The following SEMA6D variants were observed in gnomAD, a reference collection of about 807,000 sequenced individuals.
SEMA6D encodes semaphorin 6D, also known as semaphorin-6D.
In SEMA6D, 35 loss-of-function variants were observed where a neutral mutation model predicts 106.6. The ratio of observed to expected loss-of-function variants is 0.33; its 90% CI spans 0.25 to 0.44. SEMA6D has a LOEUF of 0.44. Among genes scored for constraint, SEMA6D ranks in the 20% least tolerant of loss-of-function variants. The probability of loss-of-function intolerance (pLI) is 1.00; values close to 1 mark genes in which losing one functional copy is unlikely to be tolerated. For synonymous variants in SEMA6D, 499 were observed against 487.7 expected (o/e 1.02, Z -0.31); for missense variants, 1,185 against 1,345.9 (o/e 0.88, Z 1.87).
At chr15:47,266,504 T>G (rs2034324799) in intron 1 of SEMA6D, among the ~76,000 whole-genome samples, 1 of 152,032 alleles carries the variant, frequency 6.6e-6, no homozygotes, top group South Asian at 2.1e-4. Flanking sequence ...TTGGTTTGCC[T>G]TTTCCAACAT....
At chr15:47,753,271 G>T (rs2081544035) in intron 1 of SEMA6D, among the ~76,000 whole-genome samples, 1 of 152,178 alleles carries the variant, frequency 6.6e-6, no homozygotes, top group Non-Finnish European at 1.5e-5. Flanking sequence ...GCTATTTGTA[G>T]TTGATGACAA....
At chr15:47,193,141 C>T (rs1018646765) in intron 1 of SEMA6D, among the ~76,000 whole-genome samples, 7 of 152,114 alleles carry the variant, frequency 4.6e-5, no homozygotes, top group Admixed American at 4.6e-4. Context: ...GATGGGCTGC[C>T]TGAGTACAAG....
At chr15:47,541,386 TA>T (rs1394532073) in intron 3 of SEMA6D, among the ~76,000 whole-genome samples, 1 of 152,166 alleles carries the variant, frequency 6.6e-6, no homozygotes, top group Non-Finnish European at 1.5e-5. Context: ...AAAGAATCCC[TA>T]TAGTAAATAA....
chr15:47,633,928 T>A (rs900159523), intron 4 of SEMA6D, among the ~76,000 whole-genome samples: 1 of 152,164 alleles, frequency 6.6e-6, no homozygotes, highest in Non-Finnish European at 1.5e-5. Flanking sequence ...ATCCAGGAAG[T>A]TTTTCTTTTG....
At chr15:47,579,075 G>A (rs1355127411) in intron 3 of SEMA6D, among the ~76,000 whole-genome samples, 1 of 152,024 alleles carries the variant, frequency 6.6e-6, no homozygotes, top group African/African-American at 2.4e-5. Context: ...GAAGCCCCTG[G>A]GTACTTGGGC....
At position 47,771,411 on chromosome 15, in the gene SEMA6D, A is replaced by T; in HGVS notation, c.2848A>T (p.Thr950Ser). 1 of 1,613,762 alleles carries T rather than the reference A, an allele frequency of 6.2e-7. No homozygotes were observed. The highest frequency in any genetic ancestry group is 8.5e-7 in the Non-Finnish European group (1 of 1,179,938). ...SPTKRVDVPTTPGVPMTSLER... is the reference protein window; with the variant it reads ...SPTKRVDVPTSPGVPMTSLER... ...AACCAAGCGAGTGGATGTCCCCACC[A>T]CTCCTGGAGTCCCAATGACTTCTCT... Residue 950 changes from threonine (T) to serine (S), a missense_variant, in exon 19 of 19, where the codon ACT becomes TCT. Thr to Ser is a moderately conservative substitution (Grantham distance 58, BLOSUM62 1). This residue lies in a region of SEMA6D where 750 missense variants were observed against 783.5 expected (regional missense o/e 0.96). Coordinates refer to ENST00000536845, the MANE Select transcript of SEMA6D (RefSeq NM_001358351.3).
chr15:47,309,531 C>T (rs2143015744), intron 1 of SEMA6D, among the ~76,000 whole-genome samples: 1 of 152,204 alleles, frequency 6.6e-6, no homozygotes, highest in East Asian at 1.9e-4. Flanking sequence ...AAAGTGCTTC[C>T]TTTATGGGAA....
intron 1 of SEMA6D, among the ~76,000 whole-genome samples, chr15:47,214,728 T>C (rs929390141): frequency 6.6e-6 from 1 of 152,212 alleles, no homozygotes; most frequent in African/African-American, 2.4e-5. Flanking sequence ...GAAATTGTGA[T>C]CACTTCTAAT....
intron 3 of SEMA6D, chr15:47,581,461 A>G: frequency 2.2e-6 from 1 of 449,596 alleles, no homozygotes; most frequent in South Asian, 1.7e-5. Context: ...TGGAGTGGGA[A>G]GGCACTCCTT....
intron 4 of SEMA6D, among the ~76,000 whole-genome samples, chr15:47,706,897 C>T (rs1489295692): frequency 6.6e-6 from 1 of 152,222 alleles, no homozygotes; most frequent in Non-Finnish European, 1.5e-5. Flanking sequence ...CTCAAAGCAC[C>T]CTGACCATTA....
At chr15:47,681,894 T>C (rs2078361245) in intron 4 of SEMA6D, among the ~76,000 whole-genome samples, 2 of 152,224 alleles carry the variant, frequency 1.3e-5, no homozygotes, top group African/African-American at 4.8e-5. Context: ...TGGCAAAATT[T>C]CTCAAGTGTA....
chr15:47,597,090 A>T (rs2076551581), intron 3 of SEMA6D, among the ~76,000 whole-genome samples: 1 of 152,058 alleles, frequency 6.6e-6, no homozygotes, highest in Non-Finnish European at 1.5e-5. Context: ...CAGAAAAATA[A>T]ATAACTCAAT....
chr15:47,419,438 C>G (rs1456398572), intron 2 of SEMA6D, among the ~76,000 whole-genome samples: 1 of 152,034 alleles, frequency 6.6e-6, no homozygotes, highest in African/African-American at 2.4e-5. Flanking sequence ...ATGCTAAAAT[C>G]TCCAATGAAT....
At chr15:47,662,703 A>C (rs2077948168) in intron 4 of SEMA6D, among the ~76,000 whole-genome samples, 1 of 152,198 alleles carries the variant, frequency 6.6e-6, no homozygotes, top group Non-Finnish European at 1.5e-5. Context: ...AACTCAATGC[A>C]TATATTTTGG....
chr15:47,276,605 G>C (rs777997458), intron 1 of SEMA6D, among the ~76,000 whole-genome samples: 3 of 152,106 alleles, frequency 2.0e-5, no homozygotes, highest in Non-Finnish European at 4.4e-5. Context: ...CTATTGTGAA[G>C]ACCTACTGCT....
chr15:47,306,125 GCA>G (rs976342715), intron 1 of SEMA6D, among the ~76,000 whole-genome samples: 22 of 151,982 alleles, frequency 1.4e-4, no homozygotes, highest in African/African-American at 5.1e-4. Context: ...GGGACTACAG[GCA>G]CACACCACCA....
intron 1 of SEMA6D, among the ~76,000 whole-genome samples, chr15:47,227,671 C>T (rs1442369973): frequency 6.7e-6 from 1 of 149,902 alleles, no homozygotes; most frequent in African/African-American, 2.4e-5. Flanking sequence ...GATATCTGCA[C>T]TCAAGATGCA....
rs114866071 is a variant in SEMA6D, at chr15:47,668,607, C to A, written c.-55+67711C>A. On this transcript the variant is annotated intron_variant, in intron 4 of 19. Coordinates refer to the SEMA6D transcript ENST00000558014. ...CATGCCTGAACCTACAGAGTGAGAC[C>A]CTTTGAAGATTGGAAAGGAAGAGTC... Among the ~76,000 whole-genome samples the A allele has an allele frequency of 7.9e-5, 12 of 152,216 alleles. No homozygotes were observed. The South Asian group carries it at 2.5e-3, about 32-fold the overall frequency.
At chr15:47,494,789 T>TATATATAAATAA (rs1172707329) in intron 3 of SEMA6D, among the ~76,000 whole-genome samples, 1 of 88,862 alleles carries the variant, frequency 1.1e-5, no homozygotes, top group African/African-American at 5.0e-5. Context: ...TATATATATA[T>TATATATAAATAA]AATCTCCAGA....
Sources: gnomAD v4.1 joint callset for allele counts (sites outside exome capture counted in the v4.1 genomes callset) on GRCh38, gnomAD v4.1.1 for gene constraint, gnomAD v4.1.1 regional missense constraint, MANE v1.5 for transcripts, NCBI Gene and HGNC (gene_info 2026-07-23, HGNC 2026-07-21) for gene names.